ERBB4: variants seen among roughly 807,000 people sequenced by gnomAD.
ERBB4 encodes the protein receptor tyrosine-protein kinase erbB-4.
In ERBB4, 42 loss-of-function variants were observed where a neutral mutation model predicts 158.0. That is an observed-to-expected ratio of 0.27 (90% CI 0.21 to 0.34). ERBB4 has a LOEUF of 0.34. Among genes scored for constraint, ERBB4 ranks in the 10% least tolerant of loss-of-function variants. The pLI is 1.00. For missense variants in ERBB4, 1,333 were observed against 1,624.1 expected, an observed-to-expected ratio of 0.82 and a Z score of 3.08; for synonymous variants, 583 against 558.7, an observed-to-expected ratio of 1.04 and a Z score of -0.61.
intron 1 of ERBB4, among the ~76,000 whole-genome samples, chr2:212,501,411 C>A (rs1690880059): frequency 6.6e-6 from 1 of 152,008 alleles, no homozygotes; most frequent in Admixed American, 6.6e-5. Flanking sequence ...AAATACTCAT[C>A]AATTGATTAG....
At chr2:211,815,234 A>C (rs1446977414) in intron 3 of ERBB4, among the ~76,000 whole-genome samples, 1 of 152,236 alleles carries the variant, frequency 6.6e-6, no homozygotes, top group Non-Finnish European at 1.5e-5. Flanking sequence ...CTAGAATAAT[A>C]GCAACTATGG....
chr2:211,895,052 G>C (rs2079063863), intron 3 of ERBB4, among the ~76,000 whole-genome samples: 1 of 152,100 alleles, frequency 6.6e-6, no homozygotes, highest in Non-Finnish European at 1.5e-5. Context: ...AGATAATGTG[G>C]TATAGTCATT....
chr2:211,409,718 C>G lies in ERBB4; in HGVS notation c.3135+10723G>C, dbSNP rs149996126. 4.2e-3 allele frequency among the ~76,000 whole-genome samples: 634 copies of G among 152,074 alleles called. 2 individuals carry two copies. The highest frequency in any genetic ancestry group is 7.2e-3 in the Non-Finnish European group (492 of 67,988). On this transcript the variant is annotated intron_variant, in intron 25 of 27. Transcript: ENST00000342788. ...AAATCAAGATTTTCATGGTTTTGAC[C>G]AGGGGTGGGGGGAACCAATAGAGCA...
intron 19 of ERBB4, among the ~76,000 whole-genome samples, chr2:211,584,927 C>T (rs576436412): frequency 1.3e-4 from 20 of 151,522 alleles, no homozygotes; most frequent in South Asian, 6.3e-4. Flanking sequence ...TTATTTGTGG[C>T]GCATTTTTTC....
intron 18 of ERBB4, 31 bp downstream of exon 18, chr2:211,623,886 AAACTT>A: frequency 6.2e-7 from 1 of 1,610,628 alleles, no homozygotes; most frequent in Non-Finnish European, 8.5e-7. Context: ...ATCTAAAACA[AAACTT>A]AACTAACGAT....
chr2:211,716,735 A>C (rs769444703), intron 7 of ERBB4, among the ~76,000 whole-genome samples: 21 of 152,284 alleles, frequency 1.4e-4, no homozygotes, highest in South Asian at 1.0e-3. Flanking sequence ...AAAAAAGAAG[A>C]AGCTTAATGT....
At chr2:212,045,053 A>C (rs1026500741) in intron 2 of ERBB4, among the ~76,000 whole-genome samples, 1 of 152,182 alleles carries the variant, frequency 6.6e-6, no homozygotes, top group Non-Finnish European at 1.5e-5. Flanking sequence ...TTGTTTATTG[A>C]CCAAAAAATA....
intron 1 of ERBB4, among the ~76,000 whole-genome samples, chr2:212,174,362 C>G (rs544337336): frequency 6.6e-6 from 1 of 152,064 alleles, no homozygotes; most frequent in Non-Finnish European, 1.5e-5. Context: ...ATTCCTCTTA[C>G]AATCAACAGG....
intron 20 of ERBB4, among the ~76,000 whole-genome samples, chr2:211,519,819 T>C (rs534229873): frequency 5.9e-5 from 9 of 152,246 alleles, no homozygotes; most frequent in African/African-American, 2.2e-4. Context: ...TAGATCCTGG[T>C]TTAGCTAAAC....
intron 3 of ERBB4, among the ~76,000 whole-genome samples, chr2:211,845,649 A>G (rs541811911): frequency 7.9e-5 from 12 of 152,230 alleles, no homozygotes; most frequent in Middle Eastern, 3.4e-3. Context: ...CCTCAATCTG[A>G]CTTTAGTACA....
chr2:212,226,810 T>C (rs547818318), intron 1 of ERBB4, among the ~76,000 whole-genome samples: 23 of 152,024 alleles, frequency 1.5e-4, no homozygotes, highest in African/African-American at 5.5e-4. Context: ...AGCTCCTAAA[T>C]TCATAGAGGT....
intron 3 of ERBB4, among the ~76,000 whole-genome samples, chr2:211,886,606 C>T (rs998976470): frequency 3.3e-5 from 5 of 151,894 alleles, no homozygotes; most frequent in East Asian, 1.9e-4. Flanking sequence ...AAAACAGGAA[C>T]GAAAATAGAA....
intron 1 of ERBB4, among the ~76,000 whole-genome samples, chr2:212,171,910 A>G (rs1253082414): frequency 1.3e-5 from 2 of 152,196 alleles, no homozygotes; most frequent in Non-Finnish European, 2.9e-5. Context: ...AAAAGCAAAA[A>G]GTGACAAACA....
rs1574993405 is a variant in ERBB4 at position 212,477,478 on chromosome 2, CAT to C, written c.82+60969_82+60970del. 6.6e-5 allele frequency among the ~76,000 whole-genome samples: 10 copies of C among 152,294 alleles called. No homozygotes were observed. The East Asian group carries it at 1.9e-3, about 29-fold the overall frequency. Reference sequence around the variant, plus strand: ...CTTTACATTTATCTGTATTTATCCACATGTCAATTAAGGAACCAACTTGCTGT... The same window carrying C: ...CTTTACATTTATCTGTATTTATCCACGTCAATTAAGGAACCAACTTGCTGT... On this transcript the variant is annotated intron_variant, in intron 1 of 27. Transcript: ENST00000342788.
At chr2:212,330,422 C>T (rs942545853) in intron 1 of ERBB4, among the ~76,000 whole-genome samples, 2 of 151,966 alleles carry the variant, frequency 1.3e-5, no homozygotes, top group Admixed American at 6.6e-5. Context: ...AGCTGGAAAC[C>T]AGCCTGGGCA....
chr2:211,962,753 T>C (rs1472734681), intron 2 of ERBB4, among the ~76,000 whole-genome samples: 1 of 152,070 alleles, frequency 6.6e-6, no homozygotes, highest in Non-Finnish European at 1.5e-5. Flanking sequence ...ACAAAAATAC[T>C]TCATGACTTA....
chr2:211,753,297 T>A (rs1430140462), intron 4 of ERBB4, among the ~76,000 whole-genome samples: 8 of 151,934 alleles, frequency 5.3e-5, no homozygotes, highest in Admixed American at 5.2e-4. Context: ...AAAACAAAAT[T>A]TCCTATAAGC....
chr2:212,027,751 C>T (rs2076807194), intron 2 of ERBB4, among the ~76,000 whole-genome samples: 1 of 152,038 alleles, frequency 6.6e-6, no homozygotes, highest in Non-Finnish European at 1.5e-5. Context: ...TCTTAGATTT[C>T]TATAACTGAC....
rs796215076 is a variant in ERBB4, at chr2:211,858,770, T to A, written c.422-70611A>T. On this transcript the variant is annotated intron_variant, in intron 3 of 27. Coordinates refer to ENST00000342788, the MANE Select transcript of ERBB4 (RefSeq NM_005235.3). ...ATGGTGGTTCTACTCCAAAAGGCAA[T>A]GTATCTTTTAATTATTTATTCATTT... Among the ~76,000 whole-genome samples the A allele has an allele frequency of 1.1e-4, 17 of 152,212 alleles. No homozygotes were observed. The East Asian group carries it at 3.1e-3, about 28-fold the overall frequency.
Sources: allele counts gnomAD v4.1 joint callset (sites outside exome capture counted in the v4.1 genomes callset), GRCh38; gene constraint gnomAD v4.1.1; transcripts MANE v1.5; gene names NCBI Gene and HGNC (gene_info 2026-07-23, HGNC 2026-07-21).